The following COL23A1 variants were observed in gnomAD, a reference collection of about 807,000 sequenced individuals.
COL23A1 encodes the protein collagen alpha-1(XXIII) chain.
In COL23A1, 97 loss-of-function variants were observed where a neutral mutation model predicts 99.3. The ratio of observed to expected loss-of-function variants is 0.98; its 90% CI spans 0.83 to 1.16. COL23A1 has a LOEUF of 1.16. Among genes scored for constraint, COL23A1 ranks in the 50% most tolerant of loss-of-function variants. The pLI is 0.00. For missense variants in COL23A1, 762 were observed against 757.4 expected, an observed-to-expected ratio of 1.01 and a Z score of -0.07; for synonymous variants, 320 against 308.2, an observed-to-expected ratio of 1.04 and a Z score of -0.40.
chr5:178,381,064 C>A (rs1020500854), intron 2 of COL23A1, among the ~76,000 whole-genome samples: 7 of 152,214 alleles, frequency 4.6e-5, no homozygotes, highest in Non-Finnish European at 7.3e-5. Flanking sequence ...ATCAAGGGGC[C>A]CTGGCCTACC....
Position 178,294,293 on chromosome 5 carries a change from C to CT in COL23A1, c.407-3925dup, listed in dbSNP as rs1214887475. On this transcript the variant is annotated intron_variant, in intron 3 of 28. Coordinates refer to ENST00000390654, the MANE Select transcript of COL23A1 (RefSeq NM_173465.4). ...CCTCCCCAAATCACTACCGAGCTCCCTCCCAAATCACTACCCAGCTCCCTC... is the reference window on the plus strand; with the variant it reads ...CCTCCCCAAATCACTACCGAGCTCCCTTCCCAAATCACTACCCAGCTCCCTC... 7.7e-4 allele frequency among the ~76,000 whole-genome samples: 62 copies of CT among 80,388 alleles called. 5 individuals are homozygous for CT. The highest frequency in any genetic ancestry group is 2.1e-3 in the African/African-American group (57 of 26,818). The allele number at this position is 80,388 out of a possible 152,430, so 52.7% of individuals were successfully genotyped here.
At chr5:178,273,356 G>A (rs1756403230) in intron 5 of COL23A1, among the ~76,000 whole-genome samples, 1 of 152,186 alleles carries the variant, frequency 6.6e-6, no homozygotes, top group East Asian at 1.9e-4. Context: ...ACTGTTCCTG[G>A]GGGGTCACTG....
intron 3 of COL23A1, among the ~76,000 whole-genome samples, chr5:178,304,105 C>A (rs913423301): frequency 6.6e-6 from 1 of 152,188 alleles, no homozygotes; most frequent in Admixed American, 6.5e-5. Context: ...GGAGCTCCTG[C>A]TGGGAACTAG....
intron 2 of COL23A1, among the ~76,000 whole-genome samples, chr5:178,558,431 G>A (rs1762393611): frequency 6.6e-6 from 1 of 151,998 alleles, no homozygotes; most frequent in Non-Finnish European, 1.5e-5. Flanking sequence ...ATCTGTCTTG[G>A]GGACTTTCAA....
At chr5:178,283,638 T>G (rs1757013196) in intron 5 of COL23A1, among the ~76,000 whole-genome samples, 1 of 152,230 alleles carries the variant, frequency 6.6e-6, no homozygotes, top group Non-Finnish European at 1.5e-5. Context: ...TAAAGCTTAA[T>G]GTTAAGAGTT....
intron 2 of COL23A1, among the ~76,000 whole-genome samples, chr5:178,518,996 C>G (rs868036993): frequency 6.9e-4 from 104 of 149,800 alleles, no homozygotes; most frequent in Admixed American, 1.5e-3. Flanking sequence ...CCGCGGGCGT[C>G]AGCGCCGCGA....
intron 2 of COL23A1, among the ~76,000 whole-genome samples, chr5:178,520,287 G>A (rs113738193): frequency 8.3e-4 from 127 of 152,286 alleles, no homozygotes; most frequent in African/African-American, 3.0e-3. Flanking sequence ...CAGAGCAGAG[G>A]CTCGGTGGAG....
At chr5:178,447,941 A>T (rs897845219) in intron 2 of COL23A1, among the ~76,000 whole-genome samples, 9 of 152,146 alleles carry the variant, frequency 5.9e-5, no homozygotes, top group Non-Finnish European at 1.3e-4. Context: ...AACTTGGAGC[A>T]TGAACAGAGA....
At chr5:178,405,931 C>T (rs1420377635) in intron 2 of COL23A1, among the ~76,000 whole-genome samples, 2 of 152,118 alleles carry the variant, frequency 1.3e-5, no homozygotes, top group East Asian at 3.9e-4. Flanking sequence ...AGTGAAACCT[C>T]ATCTCTACTG....
chr5:178,347,527 C>G (rs967989014), intron 2 of COL23A1, among the ~76,000 whole-genome samples: 3 of 130,508 alleles, frequency 2.3e-5, no homozygotes, highest in Non-Finnish European at 5.1e-5. Context: ...TGTGAATACA[C>G]TAAAAACCAC....
intron 2 of COL23A1, among the ~76,000 whole-genome samples, chr5:178,363,921 A>C (rs73804468): frequency 0.084 from 12,807 of 152,148 alleles, 1,454 homozygotes; most frequent in African/African-American, 0.26. Flanking sequence ...GGGATTTGTC[A>C]CACGTGGTCA....
chr5:178,450,104 C>A (rs1217336189), intron 2 of COL23A1, among the ~76,000 whole-genome samples: 5 of 152,166 alleles, frequency 3.3e-5, no homozygotes, highest in African/African-American at 1.2e-4. Flanking sequence ...GAATTACATA[C>A]CCTCACGGCC....
chr5:178,571,885 C>T (rs186398657), intron 1 of COL23A1, among the ~76,000 whole-genome samples: 1,964 of 152,048 alleles, frequency 0.013, 19 homozygotes, highest in Non-Finnish European at 0.02. Flanking sequence ...CTGGCTAACA[C>T]GGTGAAACCC....
At chr5:178,494,279 C>G (rs1026399182) in intron 2 of COL23A1, among the ~76,000 whole-genome samples, 4 of 152,182 alleles carry the variant, frequency 2.6e-5, no homozygotes, top group Non-Finnish European at 5.9e-5. Flanking sequence ...GAGAGACGAC[C>G]AAGCCAGACA....
chr5:178,322,299 A>AT lies in COL23A1; in HGVS notation c.362-15381dup, dbSNP rs200208018. Among the ~76,000 whole-genome samples the AT allele has an allele frequency of 7.8e-3, 1,185 of 151,874 alleles. 20 individuals are homozygous for AT. Among genetic ancestry groups the AT allele is most frequent in the African/African-American group, 0.027 (1,119 of 41,470 alleles). On this transcript the variant is annotated intron_variant, in intron 2 of 28. Transcript: ENST00000390654. ...GAGCCACCGCACCTGGCCCACGCCTATTTTTTTTGTATTTTAGTAGAGACG... is the reference window on the plus strand; with the variant it reads ...GAGCCACCGCACCTGGCCCACGCCTATTTTTTTTTGTATTTTAGTAGAGACG...
intron 2 of COL23A1, among the ~76,000 whole-genome samples, chr5:178,320,282 G>C (rs1252998580): frequency 6.6e-6 from 1 of 152,212 alleles, no homozygotes; most frequent in Non-Finnish European, 1.5e-5. Flanking sequence ...GGGGCCATTA[G>C]TGGGGACCCC....
intron 18 of COL23A1, 112 bp from the exon 19 acceptor site, chr5:178,249,318 G>T (rs1303369599): frequency 1.6e-5 from 16 of 1,030,662 alleles, no homozygotes; most frequent in Non-Finnish European, 2.4e-5. Flanking sequence ...CTCTTTGTGG[G>T]TCCCCACCTC....
intron 5 of COL23A1, among the ~76,000 whole-genome samples, chr5:178,282,444 T>C (rs1756949086): frequency 6.6e-6 from 1 of 152,166 alleles, no homozygotes; most frequent in African/African-American, 2.4e-5. Context: ...TATGTGTTTC[T>C]GGGGGTGGTC....
chr5:178,268,409 C>T lies in COL23A1; in HGVS notation c.495+321G>A, dbSNP rs1756030224. 1.3e-5 allele frequency among the ~76,000 whole-genome samples: 2 copies of T among 152,206 alleles called. 1 individual carries two copies. Among genetic ancestry groups the T allele is most frequent in the Admixed American group, 1.3e-4 (2 of 15,284 alleles). On this transcript the variant is annotated intron_variant, in intron 7 of 28. Coordinates refer to ENST00000390654, the MANE Select transcript of COL23A1 (RefSeq NM_173465.4). ...CCATTAACAGTCATGGTTCAATCCC[C>T]AAGCCCTCCTGGCACCCCCCTTCAC...
Sources: gnomAD v4.1 joint callset for allele counts (sites outside exome capture counted in the v4.1 genomes callset) on GRCh38, gnomAD v4.1.1 for gene constraint, MANE v1.5 for transcripts, NCBI Gene and HGNC (gene_info 2026-07-23, HGNC 2026-07-21) for gene names.